ILDR1: variants seen among roughly 807,000 people sequenced by gnomAD.
ILDR1 encodes the protein immunoglobulin-like domain-containing receptor 1.
In ILDR1, 56 loss-of-function variants were observed where a neutral mutation model predicts 62.4. The ratio of observed to expected loss-of-function variants is 0.90; its 90% CI spans 0.72 to 1.12. The LOEUF is 1.12. ILDR1 is among the 50% of genes most tolerant of loss of function. The pLI is 0.00. For missense variants in ILDR1, 736 were observed against 710.6 expected (o/e 1.04, Z -0.41); for synonymous variants, 284 against 277.8 (o/e 1.02, Z -0.22).
chr3:121,993,195 A>T lies in ILDR1; in HGVS notation c.1554T>A (p.Thr518=). Residue 518 remains threonine (T), a synonymous_variant, in exon 7 of 8, where the codon ACT becomes ACA. Transcript: ENST00000344209. ...CTTTTTTCCTGCTATTCTTGCCTGG[A>T]GTGATATCAAGTGAGCGGTAGCTAG... ...KPPSYRSLDI[T]PGKNSRKKGS... is the part of the protein sequence containing the mutation. 1 of 1,613,248 alleles carries T rather than the reference A, an allele frequency of 6.2e-7. No homozygotes were observed. The highest frequency in any genetic ancestry group is 1.1e-5 in the South Asian group (1 of 90,822).
intron 5 of ILDR1, among the ~76,000 whole-genome samples, chr3:121,999,713 G>A (rs1168720120): frequency 6.6e-6 from 1 of 152,050 alleles, no homozygotes; most frequent in African/African-American, 2.4e-5. Context: ...CTTGGCCAAG[G>A]GGACCCCAGA....
At chr3:122,047,612 C>T in the ILDR1 span, among the ~76,000 whole-genome samples, 40 of 152,348 alleles carry the variant, frequency 2.6e-4, no homozygotes, top group Middle Eastern at 3.4e-3. Context: ...GATATAATCT[C>T]GTGGTTCGCC....
the ILDR1 span, among the ~76,000 whole-genome samples, chr3:122,050,843 T>C: frequency 6.6e-6 from 1 of 152,194 alleles, no homozygotes; most frequent in Non-Finnish European, 1.5e-5. Context: ...GATGATCTTA[T>C]TCTGCTTTTG....
chr3:122,016,763 A>G (rs144933477), intron 1 of ILDR1, among the ~76,000 whole-genome samples: 33 of 152,350 alleles, frequency 2.2e-4, no homozygotes, highest in African/African-American at 7.7e-4. Context: ...TAACTCAGGT[A>G]GGTTTAACCT....
the ILDR1 span, among the ~76,000 whole-genome samples, chr3:122,050,238 C>T: frequency 6.6e-6 from 1 of 152,094 alleles, no homozygotes; most frequent in African/African-American, 2.4e-5. Flanking sequence ...GTCATTTGGG[C>T]AGCTTAGTCC....
the ILDR1 span, among the ~76,000 whole-genome samples, chr3:122,039,289 A>C: frequency 1.3e-5 from 2 of 152,144 alleles, no homozygotes; most frequent in African/African-American, 2.4e-5. Flanking sequence ...CAAAAACCAA[A>C]AGCAAAAAAC....
chr3:121,993,841 G>A lies in ILDR1; in HGVS notation c.908C>T (p.Pro303Leu). The part of the protein sequence containing the change: ...LRNLNLAQPL[P>L]PDLKGRFGHP... The stretch of plus-strand genomic sequence containing the variant: ...GCCAAATCTGCCTTTGAGGTCAGGG[G>A]GCAGAGGCTGGGCCAGGTTGAGGTT... The change falls in exon 7 of 8, where the codon CCC becomes CTC. Residue 303 changes from proline to leucine, a missense_variant. Physicochemically the swap from Pro to Leu is moderately conservative, Grantham distance 98. Transcript: ENST00000344209. 1.2e-6 allele frequency: 2 copies of A among 1,614,114 alleles called. No individual in the cohort carries two copies. Among genetic ancestry groups the A allele is most frequent in the Non-Finnish European group, 1.7e-6 (2 of 1,180,012 alleles).
chr3:122,008,568 CTT>C (rs1454372232), intron 1 of ILDR1, among the ~76,000 whole-genome samples: 1 of 94,546 alleles, frequency 1.1e-5, no homozygotes, highest in African/African-American at 3.8e-5. Flanking sequence ...TTTTTTATTT[CTT>C]TTCTTTTCTT....
the ILDR1 span, among the ~76,000 whole-genome samples, chr3:122,036,402 A>T: frequency 0.033 from 5,072 of 152,184 alleles, 267 homozygotes; most frequent in African/African-American, 0.12. Context: ...ATCCTGGCTA[A>T]CACAGAGAAA....
chr3:122,001,617 C>T lies in ILDR1; in HGVS notation c.499+128G>A, dbSNP rs184163953. On this transcript the variant is annotated intron_variant, in intron 4 of 7. Coordinates refer to ENST00000344209, the MANE Select transcript of ILDR1 (RefSeq NM_001199799.2). ...TAAAAGTTTAGCTTTGATAAGGGAA[C>T]TTTAGAGGTTGATAATCCAATGACA... The T allele has an allele frequency of 8.5e-4, 1,283 of 1,506,200 alleles. 6 individuals are homozygous for T. Among genetic ancestry groups the T allele is most frequent in the Non-Finnish European group, 1.0e-3 (1,110 of 1,085,676 alleles). The allele number at this position is 1,506,200 out of a possible 1,614,324, so 93.3% of individuals were successfully genotyped here. A position where few individuals can be genotyped will look rare whatever the true frequency, so the allele number is the denominator to read the frequency against.
In ILDR1 at chr3:121,988,409, C is replaced by T. The variant is rs755260745; in HGVS notation, c.1600-1G>A. On this transcript the variant is annotated splice_acceptor_variant, in intron 7 of 7. Coordinates refer to ENST00000344209, the MANE Select transcript of ILDR1 (RefSeq NM_001199799.2). LOFTEE classifies it high-confidence loss of function. The stretch of plus-strand genomic sequence containing the variant: ...TTCCACTATGAGAGCTGTCTTTCTC[C>T]TGGGAAATAGAAGAATACACACACA... 2.5e-6 allele frequency: 4 copies of T among 1,613,024 alleles called. No individual in the cohort carries two copies. The highest frequency in any genetic ancestry group is 3.4e-6 in the Non-Finnish European group (4 of 1,179,124).
rs374398550 is a variant in ILDR1 at position 121,996,507 on chromosome 3, G to A, written c.647-2194C>T. 1.8e-4 allele frequency among the ~76,000 whole-genome samples: 27 copies of A among 152,268 alleles called. No homozygotes were observed. In the East Asian group the frequency reaches 3.1e-3, roughly 17 times the overall value. Reference sequence around the variant, plus strand: ...CCTGCATCCCTGAAAACAGCCTCACGGGATGTCTAGGCTATCAGGGGTATC... The same window carrying A: ...CCTGCATCCCTGAAAACAGCCTCACAGGATGTCTAGGCTATCAGGGGTATC... On this transcript the variant is annotated intron_variant, in intron 5 of 7. Coordinates refer to ENST00000344209, the MANE Select transcript of ILDR1 (RefSeq NM_001199799.2).
chr3:122,047,845 C>T, the ILDR1 span, among the ~76,000 whole-genome samples: 5 of 152,220 alleles, frequency 3.3e-5, no homozygotes, highest in African/African-American at 7.2e-5. Flanking sequence ...CCCGGTACCT[C>T]GGATGGAAAT....
intron 5 of ILDR1, 43 bp downstream of exon 5, chr3:122,001,265 T>C: frequency 6.2e-7 from 1 of 1,611,958 alleles, no homozygotes; most frequent in East Asian, 2.2e-5. Flanking sequence ...GACGTCCTGG[T>C]CCCTAATCCA....
intron 6 of ILDR1, 92 bp from the exon 7 acceptor site, chr3:121,994,062 A>G (rs2071400623): frequency 6.7e-7 from 1 of 1,496,978 alleles, no homozygotes; most frequent in African/African-American, 1.4e-5. Context: ...GGTTAGCATG[A>G]ATCCCTCCCA....
rs1415773808 is a variant in ILDR1 at position 121,993,345 on chromosome 3, G to A, written c.1404C>T (p.Tyr468=). ...RHGRRRRHRS[Y]SPPLPSGLSS... Reference sequence around the variant, plus strand: ...TGAGGCCGGAGGGCAAGGGAGGAGAGTAGCTGCGGTGCCTGCGTCGTCTCC... The same window carrying A: ...TGAGGCCGGAGGGCAAGGGAGGAGAATAGCTGCGGTGCCTGCGTCGTCTCC... Residue 468 remains tyrosine, a synonymous_variant, in exon 7 of 8, where the codon TAC becomes TAT. Transcript: ENST00000344209. 6.2e-7 allele frequency: 1 copy of A among 1,610,130 alleles called. No homozygotes were observed. Among genetic ancestry groups the A allele is most frequent in the Non-Finnish European group, 8.5e-7 (1 of 1,177,002 alleles).
the ILDR1 span, among the ~76,000 whole-genome samples, chr3:122,043,379 G>A: frequency 1.1e-4 from 15 of 141,176 alleles, no homozygotes; most frequent in Middle Eastern, 3.6e-3. Flanking sequence ...TTTTGGCTTA[G>A]GATTGACTTG....
chr3:122,034,886 T>C, the ILDR1 span, among the ~76,000 whole-genome samples: 1 of 152,138 alleles, frequency 6.6e-6, no homozygotes, highest in African/African-American at 2.4e-5. Context: ...CCATCAGATG[T>C]TGTGAGACTC....
At position 122,001,665 on chromosome 3, in the gene ILDR1, TG is replaced by T. The variant is rs1159455950; in HGVS notation, c.499+79del. 4.5e-3 allele frequency: 6,890 copies of T among 1,536,176 alleles called. 5 individuals carry two copies. The highest frequency in any genetic ancestry group is 7.8e-3 in the African/African-American group (513 of 65,992). On this transcript the variant is annotated intron_variant, in intron 4 of 7. Transcript: ENST00000344209. ...ACAAGAACTTAGGCTTGCTTATTTC[TG>T]GTTTTTTTTTTTTTTTCCTGTGAGT... is the stretch of plus-strand genomic sequence containing the variant.
Sources: gnomAD v4.1 joint callset for allele counts (sites outside exome capture counted in the v4.1 genomes callset) on GRCh38, gnomAD v4.1.1 for gene constraint, MANE v1.5 for transcripts, NCBI Gene and HGNC (gene_info 2026-07-23, HGNC 2026-07-21) for gene names.